HEXB: variants seen among roughly 807,000 people sequenced by gnomAD.
HEXB encodes hexosaminidase subunit beta.
HEXB carries 51 observed loss-of-function variants against 71.2 expected under a neutral mutation model. The ratio of observed to expected loss-of-function variants is 0.72; its 90% confidence interval spans 0.57 to 0.90. The LOEUF is 0.90. HEXB is among the 40% of genes least tolerant of loss of function. The pLI, the probability that HEXB is intolerant of heterozygous loss-of-function variation, is 0.00. For synonymous variants in HEXB, 266 were observed against 249.3 expected (o/e 1.07, Z -0.63); for missense variants, 617 against 677.0 (o/e 0.91, Z 0.98).
intron 5 of HEXB, 47 bp from the exon 6 acceptor site, chr5:74,705,172 G>A (rs1244401057): frequency 9.9e-7 from 1 of 1,011,610 alleles, no homozygotes; most frequent in Non-Finnish European, 1.6e-6. Context: ...AATATGGATT[G>A]TATATGATAT....
chr5:74,717,385 T>C (rs907224716), intron 9 of HEXB, among the ~76,000 whole-genome samples: 4 of 151,952 alleles, frequency 2.6e-5, no homozygotes, highest in Admixed American at 6.6e-5. Flanking sequence ...TTAAAATTAA[T>C]GAAAGTTAAA....
chr5:74,646,231 C>T (rs897006160), intron 1 of HEXB, among the ~76,000 whole-genome samples: 18 of 152,166 alleles, frequency 1.2e-4, no homozygotes, highest in African/African-American at 4.1e-4. Flanking sequence ...TAGTAAACTG[C>T]TTAAGGAGAA....
upstream of HEXB, chr5:74,685,090 G>A (rs985921022): frequency 4.1e-5 from 28 of 675,002 alleles, no homozygotes; most frequent in Middle Eastern, 4.2e-4. Context: ...TGGACAGGGC[G>A]GGCTGGGCGA....
At chr5:74,707,978 C>A (rs996371309) in intron 6 of HEXB, among the ~76,000 whole-genome samples, 7 of 151,568 alleles carry the variant, frequency 4.6e-5, no homozygotes, top group African/African-American at 9.7e-5. Context: ...AACTCCAAGA[C>A]ACATAATTGT....
At chr5:74,642,036 G>A (rs991978522) in intron 1 of HEXB, among the ~76,000 whole-genome samples, 1 of 152,134 alleles carries the variant, frequency 6.6e-6, no homozygotes, top group Non-Finnish European at 1.5e-5. Flanking sequence ...AACACTAGGC[G>A]CAGGAGCGAT....
chr5:74,711,441 TA>T (rs1471613951), intron 6 of HEXB, among the ~76,000 whole-genome samples: 1 of 151,948 alleles, frequency 6.6e-6, no homozygotes, highest in Non-Finnish European at 1.5e-5. Flanking sequence ...AAATGGGATC[TA>T]ATTAAACTAA....
In HEXB at chr5:74,663,954, T is replaced by C. The variant is rs548185273; in HGVS notation, c.-377+23396T>C. Reference sequence around the variant, plus strand: ...CAGCCTGGGCAACATAGTGGGATCCTGTATCTACAAAAAACTTTAGGCCAG... The same window carrying C: ...CAGCCTGGGCAACATAGTGGGATCCCGTATCTACAAAAAACTTTAGGCCAG... On this transcript the variant is annotated intron_variant, in intron 1 of 13. Coordinates refer to the HEXB transcript ENST00000511181. Among the ~76,000 whole-genome samples the C allele has an allele frequency of 5.3e-5, 8 of 151,114 alleles. No homozygotes were observed. In the South Asian group the frequency reaches 1.5e-3, roughly 28 times the overall value.
rs143168830 is a variant in HEXB, at chr5:74,693,465, G to A, written c.446-174G>A. ...GAGTTCTGTTGGGGCATGTGGAGTC[G>A]AAGGAACCTGCAGGACATCCAAATG... On this transcript the variant is annotated intron_variant, in intron 2 of 13. Coordinates refer to ENST00000261416, the MANE Select transcript of HEXB (RefSeq NM_000521.4). The A allele has an allele frequency of 1.0e-3, 692 of 671,754 alleles. 2 individuals carry two copies. The highest frequency in any genetic ancestry group is 1.4e-3 in the Non-Finnish European group (510 of 367,736). The allele number at this position is 671,754 out of a possible 1,614,324, so 41.6% of individuals were successfully genotyped here. A position where few individuals can be genotyped will look rare whatever the true frequency, so the allele number is the denominator to read the frequency against.
intron 6 of HEXB, among the ~76,000 whole-genome samples, chr5:74,709,838 A>G (rs1749494955): frequency 6.6e-6 from 1 of 152,240 alleles, no homozygotes; most frequent in East Asian, 1.9e-4. Context: ...ATGGATTCAC[A>G]GCCGAATTCT....
At position 74,705,235 on chromosome 5, in the gene HEXB, A is replaced by G. The variant is rs2112156302; in HGVS notation, c.686A>G (p.Asn229Ser). 3 of 1,608,094 alleles carry G rather than the reference A, an allele frequency of 1.9e-6. No homozygotes were observed. Among genetic ancestry groups the G allele is most frequent in the Non-Finnish European group, 2.6e-6 (3 of 1,174,590 alleles). Residue 229 changes from asparagine (N) to serine (S), a missense_variant, in exon 6 of 14, where the codon AAT becomes AGT. Asn to Ser is a conservative substitution (Grantham distance 46, BLOSUM62 1). Coordinates refer to ENST00000261416, the MANE Select transcript of HEXB (RefSeq NM_000521.4). Reference sequence around the variant, plus strand: ...TGCTTGCAGGATGCCATGGCTTTTAATAAGTTTAATGTTCTTCACTGGCAC... The same window carrying G: ...TGCTTGCAGGATGCCATGGCTTTTAGTAAGTTTAATGTTCTTCACTGGCAC... ...ILKTLDAMAF[N>S]KFNVLHWHIV...
At chr5:74,687,140 T>C (rs820884) in intron 1 of HEXB, among the ~76,000 whole-genome samples, 106,400 of 152,126 alleles carry the variant, frequency 0.7, 37,515 homozygotes, top group Non-Finnish European at 0.74. Flanking sequence ...TTATGCCTGG[T>C]ATTATTAGGA....
chr5:74,662,596 G>C (rs969059967), intron 1 of HEXB, among the ~76,000 whole-genome samples: 1 of 152,150 alleles, frequency 6.6e-6, no homozygotes, highest in African/African-American at 2.4e-5. Flanking sequence ...TTAAGGTGCT[G>C]TTTGCAAAAG....
chr5:74,654,286 T>C (rs1748176399), intron 1 of HEXB, among the ~76,000 whole-genome samples: 1 of 152,192 alleles, frequency 6.6e-6, no homozygotes, highest in Admixed American at 6.5e-5. Flanking sequence ...CAGATTCTGA[T>C]TCAAGAAGTC....
chr5:74,695,201 CTTTTTTT>C (rs35812692), intron 3 of HEXB, among the ~76,000 whole-genome samples: 1 of 114,462 alleles, frequency 8.7e-6, no homozygotes, highest in Non-Finnish European at 1.8e-5. Flanking sequence ...AGAAGAGACG[CTTTTTTT>C]TTTTTTTTTT....
At chr5:74,696,941 G>A in intron 4 of HEXB, 55 bp from the exon 5 acceptor site, 2 of 934,676 alleles carry the variant, frequency 2.1e-6, no homozygotes, top group Non-Finnish European at 3.5e-6. Flanking sequence ...AGTCTTCATT[G>A]AGTTCAAGAC....
chr5:74,688,327 C>G (rs1220659840), intron 1 of HEXB, among the ~76,000 whole-genome samples: 1 of 132,084 alleles, frequency 7.6e-6, no homozygotes, highest in Non-Finnish European at 1.6e-5. Context: ...TGGATACCAA[C>G]AAAAGGTACT....
intron 7 of HEXB, among the ~76,000 whole-genome samples, chr5:74,715,283 T>C (rs2112174557): frequency 6.6e-6 from 1 of 152,254 alleles, no homozygotes; most frequent in East Asian, 1.9e-4. Flanking sequence ...TTACTAACAT[T>C]TGACATAGAT....
intron 3 of HEXB, among the ~76,000 whole-genome samples, chr5:74,695,718 G>A (rs906811925): frequency 2.5e-4 from 37 of 150,966 alleles, no homozygotes; most frequent in African/African-American, 9.0e-4. Context: ...GTGCACGCTT[G>A]TAGTCCCAGC....
chr5:74,694,098 G>A (rs1471082767), intron 3 of HEXB, among the ~76,000 whole-genome samples: 1 of 152,166 alleles, frequency 6.6e-6, no homozygotes, highest in Non-Finnish European at 1.5e-5. Flanking sequence ...CGTTGAGGCT[G>A]CAGCGAGCCT....
Sources: gnomAD v4.1 joint callset for allele counts (sites outside exome capture counted in the v4.1 genomes callset) on GRCh38, gnomAD v4.1.1 for gene constraint, MANE v1.5 for transcripts, NCBI Gene and HGNC (gene_info 2026-07-23, HGNC 2026-07-21) for gene names.